PGBD2: variants seen among roughly 807,000 people sequenced by gnomAD.
PGBD2 encodes the protein piggyBac transposable element derived 2.
In PGBD2, 6 loss-of-function variants were observed where a neutral mutation model predicts 8.1. The observed-to-expected ratio is 0.74, with a 90% CI of 0.40 to 1.46. PGBD2 has a LOEUF of 1.46. Among genes scored for constraint, PGBD2 ranks in the 40% most tolerant of loss-of-function variants. The pLI, the probability that PGBD2 is intolerant of heterozygous loss-of-function variation, is 0.02. For missense variants in PGBD2, 802 were observed against 739.0 expected (o/e 1.09, Z -0.99); for synonymous variants, 318 against 272.2 (o/e 1.17, Z -1.66).
intron 1 of PGBD2, among the ~76,000 whole-genome samples, chr1:248,908,475 C>A (rs78890826): frequency 0.05 from 7,576 of 150,502 alleles, 348 homozygotes; most frequent in East Asian, 0.23. Context: ...CCCTGCCCTA[C>A]CCCCTCAACC....
At chr1:248,906,222 GC>G (rs1255395061), upstream of PGBD2, 1 of 152,048 alleles carries the variant, frequency 6.6e-6, no homozygotes, top group Non-Finnish European at 1.5e-5. Flanking sequence ...GGTGCAGCGA[GC>G]CCTCTGGTGC....
the PGBD2 span, among the ~76,000 whole-genome samples, chr1:248,874,295 C>A: frequency 1.3e-5 from 2 of 152,250 alleles, no homozygotes; most frequent in East Asian, 1.9e-4. Context: ...CCGCCGCGGC[C>A]CGGGTTCGAT....
chr1:248,922,474 C>T (rs567839653), downstream of PGBD2, among the ~76,000 whole-genome samples: 65 of 152,288 alleles, frequency 4.3e-4, no homozygotes, highest in Non-Finnish European at 7.9e-4. Context: ...ATTGCCCTGG[C>T]CAGAACTTCC....
chr1:248,902,237 C>G (rs1661547060), upstream of PGBD2, among the ~76,000 whole-genome samples: 1 of 151,264 alleles, frequency 6.6e-6, no homozygotes, highest in Non-Finnish European at 1.5e-5. Flanking sequence ...CCACTGCACT[C>G]CAGCCTGGAC....
chr1:248,924,802 C>A (rs775102821), downstream of PGBD2, among the ~76,000 whole-genome samples: 3 of 152,192 alleles, frequency 2.0e-5, no homozygotes, highest in Non-Finnish European at 4.4e-5. Flanking sequence ...TTCTTACTTG[C>A]TGCCACTGGC....
At chr1:248,904,423 A>G (rs565131579), upstream of PGBD2, among the ~76,000 whole-genome samples, 2 of 152,310 alleles carry the variant, frequency 1.3e-5, no homozygotes, top group African/African-American at 4.8e-5. Flanking sequence ...GACTCTTTGC[A>G]GCTCCATAAA....
At chr1:248,907,188 A>G (rs1162526472) in intron 1 of PGBD2, among the ~76,000 whole-genome samples, 1 of 152,220 alleles carries the variant, frequency 6.6e-6, no homozygotes, top group Admixed American at 6.5e-5. Context: ...AAAAGAATTT[A>G]TGTCATAAGT....
intron 1 of PGBD2, chr1:248,912,771 G>C (rs531547844): frequency 1.3e-5 from 2 of 149,386 alleles, no homozygotes; most frequent in African/African-American, 4.9e-5. Context: ...TCCAATTTTA[G>C]TATATGTGCT....
the PGBD2 span, among the ~76,000 whole-genome samples, chr1:248,880,561 G>A: frequency 6.6e-6 from 1 of 152,184 alleles, no homozygotes; most frequent in East Asian, 1.9e-4. Flanking sequence ...TCTGAAGATG[G>A]GTAATGCAGT....
At chr1:248,928,154 C>T in the PGBD2 span, among the ~76,000 whole-genome samples, 1 of 152,142 alleles carries the variant, frequency 6.6e-6, no homozygotes, top group Non-Finnish European at 1.5e-5. Context: ...TCAAACACCA[C>T]AAGTTTTCTT....
At chr1:248,873,962 A>T in the PGBD2 span, among the ~76,000 whole-genome samples, 173 of 152,240 alleles carry the variant, frequency 1.1e-3, no homozygotes, top group East Asian at 0.021. Context: ...CTTCTGACAC[A>T]TTCGTTTTAT....
At chr1:248,889,101 C>T in the PGBD2 span, among the ~76,000 whole-genome samples, 1 of 152,052 alleles carries the variant, frequency 6.6e-6, no homozygotes, top group Non-Finnish European at 1.5e-5. Flanking sequence ...AAATGAAATA[C>T]ATGGGCCGGT....
the PGBD2 span, among the ~76,000 whole-genome samples, chr1:248,926,953 A>G: frequency 6.6e-6 from 1 of 152,206 alleles, no homozygotes; most frequent in East Asian, 1.9e-4. Flanking sequence ...CCCCGAGCAT[A>G]CTGGACAAAT....
At chr1:248,876,388 G>A in the PGBD2 span, among the ~76,000 whole-genome samples, 1 of 152,278 alleles carries the variant, frequency 6.6e-6, no homozygotes, top group South Asian at 2.1e-4. Flanking sequence ...AATTAGAACA[G>A]GTTCTCAATA....
chr1:248,928,614 C>G, the PGBD2 span, among the ~76,000 whole-genome samples: 1 of 152,322 alleles, frequency 6.6e-6, no homozygotes, highest in South Asian at 2.1e-4. Flanking sequence ...AAAAACTAAT[C>G]TGTTCTCTTT....
At chr1:248,875,079 C>T in the PGBD2 span, among the ~76,000 whole-genome samples, 9 of 151,982 alleles carry the variant, frequency 5.9e-5, no homozygotes, top group African/African-American at 1.9e-4. Flanking sequence ...GGGCGGATCA[C>T]GAGGTCAGGA....
In PGBD2 at chr1:248,917,038, G is replaced by A; in HGVS notation, c.454G>A (p.Gly152Arg). 1 of 1,613,628 alleles carries A rather than the reference G, an allele frequency of 6.2e-7. No homozygotes were observed. Among genetic ancestry groups the A allele is most frequent in the South Asian group, 1.1e-5 (1 of 90,956 alleles). ...VGLFELFFDE[G>R]TINFIVNETN... Reference sequence around the variant, plus strand: ...CCTTTTTGAGTTGTTTTTTGATGAAGGAACAATTAATTTCATTGTTAATGA... The same window carrying A: ...CCTTTTTGAGTTGTTTTTTGATGAAAGAACAATTAATTTCATTGTTAATGA... The change falls in exon 3 of 3, where the codon GGA (glycine) becomes AGA (arginine). Residue 152 changes from glycine to arginine, a missense_variant. Transcript: ENST00000329291.
At chr1:248,877,354 C>T in the PGBD2 span, among the ~76,000 whole-genome samples, 1 of 152,134 alleles carries the variant, frequency 6.6e-6, no homozygotes, top group African/African-American at 2.4e-5. Context: ...ATATTGTAGC[C>T]AAGCTTGCCG....
At chr1:248,929,223 C>T in the PGBD2 span, among the ~76,000 whole-genome samples, 4 of 151,946 alleles carry the variant, frequency 2.6e-5, no homozygotes, top group Non-Finnish European at 4.4e-5. Context: ...TTTTTCAGAA[C>T]AAATATAACT....
Sources: allele counts gnomAD v4.1 joint callset (sites outside exome capture counted in the v4.1 genomes callset), GRCh38; gene constraint gnomAD v4.1.1; transcripts MANE v1.5; gene names NCBI Gene and HGNC (gene_info 2026-07-23, HGNC 2026-07-21).